The following CD177 variants were observed in gnomAD, a reference collection of about 807,000 sequenced individuals.
CD177 encodes the protein CD177 molecule, also known as CD177 antigen.
CD177 carries 41 observed loss-of-function variants against 38.1 expected under a neutral mutation model. That is an observed-to-expected ratio of 1.07 (90% CI 0.84 to 1.39). The LOEUF is 1.39. Among genes scored for constraint, CD177 ranks in the 40% most tolerant of loss-of-function variants. The pLI is 0.00. For synonymous variants in CD177, 236 were observed against 216.7 expected, an observed-to-expected ratio of 1.09 and a Z score of -0.78; for missense variants, 619 against 523.8, an observed-to-expected ratio of 1.18 and a Z score of -1.77.
In CD177 at chr19:43,361,234, G is replaced by A; in HGVS notation, c.852G>A (p.Gly284=). 6.5e-7 allele frequency: 1 copy of A among 1,538,246 alleles called. No homozygotes were observed. Among genetic ancestry groups the A allele is most frequent in the Admixed American group, 1.7e-5 (1 of 59,078 alleles). ...CCACCATCCACTCAGCCCCTCCTGG[G>A]GTGCTTGTGGCCTCCTATACCCACT... The part of the protein sequence containing the change: ...QKTTIHSAPP[G]VLVASYTHFC... Residue 284 remains glycine (G), a synonymous_variant, in exon 7 of 9, where the codon GGG becomes GGA. Transcript: ENST00000618265.
In CD177 at chr19:43,355,511, C is replaced by G. The variant is rs187659745; in HGVS notation, c.380-150C>G. The G allele has an allele frequency of 1.9e-4, 159 of 851,186 alleles. 1 individual carries two copies. The East Asian group carries it at 3.8e-3, about 20-fold the overall frequency. The allele number at this position is 851,186 out of a possible 1,614,324, so 52.7% of individuals were successfully genotyped here. A position where few individuals can be genotyped will look rare whatever the true frequency, so the allele number is the denominator to read the frequency against. Reference sequence around the variant, plus strand: ...ATTACACTTCTTTATTTTCCCACATCCAGATCCCATGATGGGAGCTGCAGA... The same window carrying G: ...ATTACACTTCTTTATTTTCCCACATGCAGATCCCATGATGGGAGCTGCAGA... On this transcript the variant is annotated intron_variant, in intron 3 of 8. Coordinates refer to ENST00000618265, the MANE Select transcript of CD177 (RefSeq NM_020406.4).
At chr19:43,354,594 C>T in intron 3 of CD177, 4 of 611,136 alleles carry the variant, frequency 6.5e-6, no homozygotes, top group Middle Eastern at 4.3e-4. Flanking sequence ...ATCCCTCCCA[C>T]CGACCTGCCA....
At chr19:43,354,044 G>A in intron 2 of CD177, 51 bp downstream of exon 2, 1 of 1,593,282 alleles carries the variant, frequency 6.3e-7, no homozygotes, top group Non-Finnish European at 8.6e-7. Flanking sequence ...TCAGTCCCTT[G>A]ATCCCTGTGC....
At position 43,360,302 on chromosome 19, in the gene CD177, A is replaced by C. The variant is rs1267797815; in HGVS notation, c.657A>C (p.Thr219=). 3 of 1,612,590 alleles carry C rather than the reference A, an allele frequency of 1.9e-6. No individual in the cohort carries two copies. The Admixed American group carries it at 5.0e-5, about 27-fold the overall frequency. The change falls in exon 6 of 9, where the codon ACA becomes ACC. Residue 219 remains threonine (T), a synonymous_variant. Transcript: ENST00000618265. ...LTCHRGTTIM[T]HGNLAQEPTD... is the part of the protein sequence containing the mutation. ...GTCATCGGGGGACCACCATTATGAC[A>C]CACGGAAACTTGGCTCAAGAACCCA...
downstream of CD177, among the ~76,000 whole-genome samples, chr19:43,365,898 C>T (rs1007297513): frequency 6.6e-5 from 10 of 152,114 alleles, no homozygotes; most frequent in African/African-American, 2.2e-4. Context: ...TCAGCTGTCC[C>T]GTGGATGCTG....
At position 43,353,915 on chromosome 19, in the gene CD177, C is replaced by A; in HGVS notation, c.115C>A (p.Pro39Thr). Reference sequence around the variant, plus strand: ...GCATGTGTGGAAGGTGTCCGACCTGCCCCGGCAATGGACCCCTAAGAACAC... The same window carrying A: ...GCATGTGTGGAAGGTGTCCGACCTGACCCGGCAATGGACCCCTAAGAACAC... ...VQHVWKVSDL[P>T]RQWTPKNTSC... is the part of the protein sequence containing the mutation. Residue 39 changes from proline (P) to threonine (T), a missense_variant, in exon 2 of 9, where the codon CCC (proline) becomes ACC (threonine). By Grantham distance (38) the Pro-to-Thr change is conservative. Coordinates refer to ENST00000618265, the MANE Select transcript of CD177 (RefSeq NM_020406.4). 6.2e-7 allele frequency: 1 copy of A among 1,613,856 alleles called. No individual in the cohort carries two copies. Among genetic ancestry groups the A allele is most frequent in the Middle Eastern group, 1.6e-4 (1 of 6,062 alleles).
At chr19:43,365,972 G>A (rs543576930), downstream of CD177, among the ~76,000 whole-genome samples, 1 of 152,266 alleles carries the variant, frequency 6.6e-6, no homozygotes, top group African/African-American at 2.4e-5. Context: ...CCCTGAACTT[G>A]ATTGCACTTG....
intron 6 of CD177, chr19:43,360,848 C>A: frequency 1.9e-6 from 1 of 535,856 alleles, no homozygotes; most frequent in Non-Finnish European, 3.3e-6. Flanking sequence ...AGAAATCTGG[C>A]AAGGAAAAGG....
rs1300241303 is a variant in CD177 at position 43,353,708 on chromosome 19, A to G, written c.-7A>G. On this transcript the variant is annotated 5_prime_UTR_variant, in exon 1 of 9. Coordinates refer to ENST00000618265, the MANE Select transcript of CD177 (RefSeq NM_020406.4). ...AGCAGAAAGAGATTACCAGCCACAG[A>G]CGGGTCATGAGCGCGGTATTACTGC... 3.1e-6 allele frequency: 5 copies of G among 1,613,700 alleles called. No homozygotes were observed. The highest frequency in any genetic ancestry group is 2.7e-5 in the African/African-American group (2 of 74,870).
Position 43,360,374 on chromosome 19 carries a change from G to A in CD177, c.729G>A (p.Val243=), listed in dbSNP as rs1969945799. 3 of 1,608,064 alleles carry A rather than the reference G, an allele frequency of 1.9e-6. No homozygotes were observed. Among genetic ancestry groups the A allele is most frequent in the Non-Finnish European group, 2.5e-6 (3 of 1,177,358 alleles). ...CCGAGATGTGCGAGGTGGGGCAGGT[G>A]TGTCAGGAGACGCTGCTGCTCCTAG... is the stretch of plus-strand genomic sequence containing the variant. ...SNTEMCEVGQ[V]CQETLLLLDV... is the part of the protein sequence containing the mutation. Residue 243 remains valine, a synonymous_variant, in exon 6 of 9, where the codon GTG becomes GTA. Coordinates refer to ENST00000618265, the MANE Select transcript of CD177 (RefSeq NM_020406.4).
At position 43,361,194 on chromosome 19, in the gene CD177, A is replaced by G. The variant is rs1419414034; in HGVS notation, c.812A>G (p.Gln271Arg). Residue 271 changes from glutamine to arginine, a missense_variant, in exon 7 of 9, where the codon CAA (glutamine) becomes CGA (arginine). Transcript: ENST00000618265. ...AAAGGCTGCAGCACTGTTGGGGCTC[A>G]AAATTCCCAGAAGACCACCATCCAC... ...GTKGCSTVGA[Q>R]NSQKTTIHSA... The G allele has an allele frequency of 1.3e-6, 2 of 1,551,222 alleles. No homozygotes were observed. Among genetic ancestry groups the G allele is most frequent in the East Asian group, 4.5e-5 (2 of 44,860 alleles).
At chr19:43,360,849 A>G (rs1344842887) in intron 6 of CD177, 19 of 537,482 alleles carry the variant, frequency 3.5e-5, no homozygotes, top group Middle Eastern at 4.9e-4. Context: ...GAAATCTGGC[A>G]AGGAAAAGGA....
chr19:43,355,569 C>T, intron 3 of CD177, 92 bp from the exon 4 acceptor site: 2 of 1,532,004 alleles, frequency 1.3e-6, no homozygotes. Flanking sequence ...CAGGTTGACT[C>T]TTGAGGCCAG....
At chr19:43,360,812 G>T in intron 6 of CD177, 1 of 494,186 alleles carries the variant, frequency 2.0e-6, no homozygotes, top group Non-Finnish European at 3.6e-6. Context: ...AGCAAAGTAT[G>T]GGGAATGGAG....
At position 43,363,029 on chromosome 19, in the gene CD177, C is replaced by T. The variant is rs527671907; in HGVS notation, c.*709C>T. ...CACCCAGGATGGACGCTAGAGTCGA[C>T]TGCTCCTAGGCTACAAGCCTGCAGT... On this transcript the variant is annotated 3_prime_UTR_variant, in exon 9 of 9. Transcript: ENST00000618265. 46 of 152,352 alleles carry T rather than the reference C, an allele frequency of 3.0e-4. No individual in the cohort carries two copies. Among genetic ancestry groups the T allele is most frequent in the African/African-American group, 1.1e-3 (44 of 41,564 alleles). The allele number at this position is 152,352 out of a possible 1,614,324, so 9.4% of individuals were successfully genotyped here.
Position 43,353,884 on chromosome 19 carries a change from A to G in CD177, c.84A>G (p.Thr28=). The change falls in exon 2 of 9, where the codon ACA becomes ACG. Residue 28 remains threonine, a synonymous_variant. Transcript: ENST00000618265. The stretch of plus-strand genomic sequence containing the variant: ...AGGCGCTGCTCTGCCAGTTTGGGAC[A>G]GTTCAGCATGTGTGGAAGGTGTCCG... The part of the protein sequence containing the change: ...GVQALLCQFG[T]VQHVWKVSDL... 6.2e-7 allele frequency: 1 copy of G among 1,613,894 alleles called. No individual in the cohort carries two copies. Among genetic ancestry groups the G allele is most frequent in the South Asian group, 1.1e-5 (1 of 91,082 alleles).
chr19:43,361,257 A>T lies in CD177; in HGVS notation c.875A>T (p.His292Leu), dbSNP rs1216146402. 23 of 1,534,814 alleles carry T rather than the reference A, an allele frequency of 1.5e-5. No homozygotes were observed. The highest frequency in any genetic ancestry group is 2.0e-5 in the Non-Finnish European group (22 of 1,114,344). ...GGGGTGCTTGTGGCCTCCTATACCC[A>T]CTTCTGCTCCTCGGACCTGTGCAAT... ...PPGVLVASYTHFCSSDLCNSA... is the reference protein window; with the variant it reads ...PPGVLVASYTLFCSSDLCNSA... The change falls in exon 7 of 9, where the codon CAC (histidine) becomes CTC (leucine). Residue 292 changes from histidine (H) to leucine (L), a missense_variant. Coordinates refer to ENST00000618265, the MANE Select transcript of CD177 (RefSeq NM_020406.4).
chr19:43,354,042 T>C (rs1292931652), intron 2 of CD177, 49 bp downstream of exon 2: 1 of 1,593,638 alleles, frequency 6.3e-7, no homozygotes, highest in Admixed American at 1.7e-5. Flanking sequence ...CCTCAGTCCC[T>C]TGATCCCTGT....
downstream of CD177, among the ~76,000 whole-genome samples, chr19:43,363,752 C>G (rs1378229766): frequency 1.3e-5 from 2 of 152,094 alleles, no homozygotes; most frequent in Non-Finnish European, 2.9e-5. Context: ...CCGTTCACTC[C>G]CTTGCCCCTC....
Sources: allele counts gnomAD v4.1 joint callset (sites outside exome capture counted in the v4.1 genomes callset), GRCh38; gene constraint gnomAD v4.1.1; transcripts MANE v1.5; gene names NCBI Gene and HGNC (gene_info 2026-07-23, HGNC 2026-07-21).